The following SERPIND1 variants were observed in gnomAD, a reference collection of about 807,000 sequenced individuals.
The protein encoded by SERPIND1 is heparin cofactor 2.
A neutral mutation model predicts 35.0 loss-of-function variants in SERPIND1; 34 were observed. That is an observed-to-expected ratio of 0.97 (90% CI 0.74 to 1.29). The LOEUF (loss-of-function observed/expected upper bound fraction) is 1.29. SERPIND1 is among the 50% of genes most tolerant of loss of function. SERPIND1 has a pLI of 0.00. For synonymous variants in SERPIND1, 236 were observed against 241.1 expected (o/e 0.98, Z 0.19); for missense variants, 633 against 637.7 (o/e 0.99, Z 0.08).
chr22:20,782,667 AG>A lies in SERPIND1; in HGVS notation c.890-1303del, dbSNP rs1933889281. Among the ~76,000 whole-genome samples, 3 of 152,202 alleles carry A rather than the reference AG, an allele frequency of 2.0e-5. No homozygotes were observed. The South Asian group carries it at 6.2e-4, about 32-fold the overall frequency. On this transcript the variant is annotated intron_variant, in intron 2 of 4. Coordinates refer to ENST00000215727, the MANE Select transcript of SERPIND1 (RefSeq NM_000185.4). ...TCCCAAAAGAGCAATTTTGTCCCCA[AG>A]GTCTGAAGACACTTTTGGTTGTCAC...
chr22:20,786,228 C>G, intron 4 of SERPIND1, 80 bp downstream of exon 4: 1 of 1,482,666 alleles, frequency 6.7e-7, no homozygotes, highest in South Asian at 1.1e-5. Flanking sequence ...CCCTTCCTAC[C>G]CACCCCCCAA....
intron 1 of SERPIND1, among the ~76,000 whole-genome samples, chr22:20,776,602 C>G (rs943296552): frequency 6.6e-6 from 1 of 152,208 alleles, no homozygotes; most frequent in African/African-American, 2.4e-5. Context: ...GGAAGCTGCT[C>G]TGCACGGCCA....
chr22:20,780,412 C>G (rs1427128002), intron 2 of SERPIND1, among the ~76,000 whole-genome samples: 1 of 152,182 alleles, frequency 6.6e-6, no homozygotes, highest in Non-Finnish European at 1.5e-5. Flanking sequence ...TTTAACACAG[C>G]CTTGTGAGGT....
chr22:20,780,830 G>A (rs1381687588), intron 2 of SERPIND1, among the ~76,000 whole-genome samples: 3 of 150,566 alleles, frequency 2.0e-5, no homozygotes, highest in African/African-American at 7.3e-5. Flanking sequence ...AGTTATTAAG[G>A]GGCAGAGCCA....
rs765902698 is a variant in SERPIND1 at position 20,779,589 on chromosome 22, A to G, written c.277A>G (p.Ile93Val). ...GATATTCAGTGAAGACGACGACTAC[A>G]TCGACATCGTCGACAGTCTGTCAGT... Reference protein sequence around the residue: ...EKIFSEDDDYIDIVDSLSVSP... With the variant: ...EKIFSEDDDYVDIVDSLSVSP... Residue 93 changes from isoleucine to valine, a missense_variant, in exon 2 of 5, where the codon ATC becomes GTC. By Grantham distance (29) the Ile-to-Val change is conservative. Transcript: ENST00000215727. The G allele has an allele frequency of 6.2e-7, 1 of 1,614,220 alleles. No individual in the cohort carries two copies. The highest frequency in any genetic ancestry group is 8.5e-7 in the Non-Finnish European group (1 of 1,180,014).
intron 2 of SERPIND1, among the ~76,000 whole-genome samples, chr22:20,783,435 T>TAAA (rs362069): frequency 7.3e-6 from 1 of 136,068 alleles, no homozygotes; most frequent in African/African-American, 2.7e-5. Context: ...CATCTACAAT[T>TAAA]AAAAAAAAAA....
At chr22:20,778,720 T>C (rs1458046480) in intron 1 of SERPIND1, among the ~76,000 whole-genome samples, 1 of 152,110 alleles carries the variant, frequency 6.6e-6, no homozygotes, top group Non-Finnish European at 1.5e-5. Context: ...CCCTTCTAGG[T>C]ACTCTCCAAT....
chr22:20,785,290 G>C (rs1376713535), intron 3 of SERPIND1, among the ~76,000 whole-genome samples: 2 of 152,160 alleles, frequency 1.3e-5, no homozygotes, highest in African/African-American at 2.4e-5. Context: ...GGCTGGTCTT[G>C]AACTCCTGGC....
At chr22:20,783,947 C>T (rs1412524721) in intron 2 of SERPIND1, 25 bp from the exon 3 acceptor site, 4 of 1,614,042 alleles carry the variant, frequency 2.5e-6, no homozygotes, top group African/African-American at 2.7e-5. Flanking sequence ...CTTCTCATAA[C>T]AGCCTCTTCC....
chr22:20,787,027 G>C lies in SERPIND1; in HGVS notation c.1461G>C (p.Leu487=), dbSNP rs1427198481. 2 of 1,614,142 alleles carry C rather than the reference G, an allele frequency of 1.2e-6. No individual in the cohort carries two copies. The highest frequency in any genetic ancestry group is 1.7e-6 in the Non-Finnish European group (2 of 1,180,002). The part of the protein sequence containing the change: ...FLIYEHRTSC[L]LFMGRVANPS... ...TCTACGAGCATCGCACCAGCTGCCT[G>C]CTCTTCATGGGAAGAGTGGCCAACC... is the stretch of plus-strand genomic sequence containing the variant. The change falls in exon 5 of 5, where the codon CTG becomes CTC. Residue 487 remains leucine, a synonymous_variant. Transcript: ENST00000215727.
At chr22:20,775,038 G>C (rs1347988874) in intron 1 of SERPIND1, among the ~76,000 whole-genome samples, 2 of 152,016 alleles carry the variant, frequency 1.3e-5, no homozygotes, top group Non-Finnish European at 2.9e-5. Flanking sequence ...CCAAACTTTA[G>C]GCAGTTACTT....
chr22:20,779,123 T>C, intron 1 of SERPIND1, 174 bp from the exon 2 acceptor site: 1 of 1,437,964 alleles, frequency 7.0e-7, no homozygotes, highest in South Asian at 1.3e-5. Flanking sequence ...CATCAAAGGT[T>C]GGGTGTCTAT....
chr22:20,784,406 TGA>T (rs1157825718), intron 3 of SERPIND1, among the ~76,000 whole-genome samples, 161 bp downstream of exon 3: 3 of 152,080 alleles, frequency 2.0e-5, no homozygotes, highest in Non-Finnish European at 2.9e-5. Flanking sequence ...ATTTGTTGCT[TGA>T]GATAAGAGAT....
At chr22:20,781,700 C>T (rs746433404) in intron 2 of SERPIND1, among the ~76,000 whole-genome samples, 29 of 152,226 alleles carry the variant, frequency 1.9e-4, no homozygotes, top group Non-Finnish European at 3.7e-4. Context: ...AACAGGCTTG[C>T]GGCAGACACA....
chr22:20,780,896 C>T (rs192342251), intron 2 of SERPIND1, among the ~76,000 whole-genome samples: 60 of 151,510 alleles, frequency 4.0e-4, no homozygotes, highest in African/African-American at 1.4e-3. Context: ...AGAAATAATA[C>T]AAAAACTGTT....
At chr22:20,783,698 T>C (rs551762222) in intron 2 of SERPIND1, among the ~76,000 whole-genome samples, 2 of 152,188 alleles carry the variant, frequency 1.3e-5, no homozygotes, top group South Asian at 2.1e-4. Flanking sequence ...GATGAAGAAA[T>C]AGAAGCGAGT....
Position 20,780,199 on chromosome 22 carries a change from A to G in SERPIND1, c.887A>G (p.Lys296Arg), listed in dbSNP as rs1208081596. 1.9e-6 allele frequency: 3 copies of G among 1,614,220 alleles called. No homozygotes were observed. The highest frequency in any genetic ancestry group is 2.5e-6 in the Non-Finnish European group (3 of 1,180,044). ...QMMILNCIYF[K>R]GSWVNKFPVE... ...ATGATTCTCAACTGCATCTACTTCA[A>G]AGGTAAGAGGCACCTTTACAGTTCT... The change falls in exon 2 of 5, where the codon AAA becomes AGA. Residue 296 changes from lysine (K) to arginine (R), a missense_variant and splice_region_variant. By Grantham distance (26) the Lys-to-Arg change is conservative. Transcript: ENST00000215727.
intron 2 of SERPIND1, among the ~76,000 whole-genome samples, chr22:20,782,052 T>C (rs577139697): frequency 1.3e-5 from 2 of 152,372 alleles, no homozygotes; most frequent in East Asian, 3.9e-4. Context: ...ACATTTATTT[T>C]ACTTCTACTA....
At chr22:20,780,411 G>A (rs1231539803) in intron 2 of SERPIND1, among the ~76,000 whole-genome samples, 1 of 152,202 alleles carries the variant, frequency 6.6e-6, no homozygotes, top group African/African-American at 2.4e-5. Flanking sequence ...CTTTAACACA[G>A]CCTTGTGAGG....
Sources: gnomAD v4.1 joint callset for allele counts (sites outside exome capture counted in the v4.1 genomes callset) on GRCh38, gnomAD v4.1.1 for gene constraint, MANE v1.5 for transcripts, NCBI Gene and HGNC (gene_info 2026-07-23, HGNC 2026-07-21) for gene names.